KIF21A: variants seen among roughly 807,000 people sequenced by gnomAD.
KIF21A encodes the protein kinesin family member 21A, also known as kinesin-like protein KIF21A.
In KIF21A, 114 loss-of-function variants were observed where a neutral mutation model predicts 202.9. That is an observed-to-expected ratio of 0.56 (90% CI 0.48 to 0.66). The LOEUF is 0.66. KIF21A is among the 30% of genes least tolerant of loss of function. The pLI, the probability that KIF21A is intolerant of heterozygous loss-of-function variation, is 0.00. For missense variants in KIF21A, 1,677 were observed against 1,994.9 expected, an observed-to-expected ratio of 0.84 and a Z score of 3.04; for synonymous variants, 667 against 670.8, an observed-to-expected ratio of 0.99 and a Z score of 0.09.
At chr12:39,346,406 G>A in intron 12 of KIF21A, 60 bp downstream of exon 12, 1 of 1,248,126 alleles carries the variant, frequency 8.0e-7, no homozygotes, top group South Asian at 1.9e-5. Flanking sequence ...ACATTTCCTT[G>A]TGAATGGCAA....
At chr12:39,315,769 C>CA in intron 30 of KIF21A, 163 bp downstream of exon 30, 5 of 718,500 alleles carry the variant, frequency 7.0e-6, no homozygotes, top group Non-Finnish European at 1.3e-5. Flanking sequence ...GGTATGACCA[C>CA]AAAAATGTAT....
At chr12:39,328,103 T>C (rs1402152659) in intron 24 of KIF21A, among the ~76,000 whole-genome samples, 1 of 152,188 alleles carries the variant, frequency 6.6e-6, no homozygotes, top group Non-Finnish European at 1.5e-5. Context: ...CTTGGAAAAC[T>C]GGACTTTGGC....
At chr12:39,422,345 C>T (rs193197410) in intron 1 of KIF21A, among the ~76,000 whole-genome samples, 16 of 152,244 alleles carry the variant, frequency 1.1e-4, no homozygotes, top group Non-Finnish European at 1.6e-4. Flanking sequence ...TTTTCTACAA[C>T]GTCTTTTCAT....
At position 39,319,965 on chromosome 12, in the gene KIF21A, A is replaced by T. The variant is rs1366267088; in HGVS notation, c.3720T>A (p.Pro1240=). The part of the protein sequence containing the change: ...LSEKKIPEPS[P]VTRRKAYEKA... ...TCTCATATGCCTTTCTCCTTGTTAC[A>T]GGAGAAGGCTCTGGAATTTTTTTTT... Residue 1240 remains proline, a synonymous_variant, in exon 28 of 38, where the codon CCT becomes CCA. Transcript: ENST00000361418. The T allele has an allele frequency of 1.9e-6, 3 of 1,609,694 alleles. No individual in the cohort carries two copies. Among genetic ancestry groups the T allele is most frequent in the Admixed American group, 3.3e-5 (2 of 59,744 alleles).
chr12:39,307,527 G>T, intron 34 of KIF21A, 38 bp downstream of exon 34: 1 of 1,589,380 alleles, frequency 6.3e-7, no homozygotes, highest in Non-Finnish European at 8.6e-7. Flanking sequence ...AGTTGTATTT[G>T]CCATAGGCAA....
intron 14 of KIF21A, among the ~76,000 whole-genome samples, 184 bp downstream of exon 14, chr12:39,341,319 AAT>A (rs761486280): frequency 3.0e-4 from 46 of 152,264 alleles, no homozygotes; most frequent in Non-Finnish European, 3.4e-4. Flanking sequence ...GAAATCACAC[AAT>A]GACTAAATCC....
intron 11 of KIF21A, among the ~76,000 whole-genome samples, chr12:39,351,333 A>G (rs1469346949): frequency 1.3e-5 from 2 of 152,102 alleles, no homozygotes; most frequent in Non-Finnish European, 2.9e-5. Flanking sequence ...ACATTACATG[A>G]CATTCTGATG....
intron 1 of KIF21A, among the ~76,000 whole-genome samples, chr12:39,386,357 C>T (rs189075006): frequency 4.5e-4 from 69 of 152,208 alleles, no homozygotes; most frequent in African/African-American, 8.4e-4. Flanking sequence ...AGAAAGATCC[C>T]GGGACACCAA....
At position 39,342,119 on chromosome 12, in the gene KIF21A, G is replaced by T; in HGVS notation, c.1718C>A (p.Ala573Asp). The change falls in exon 13 of 38, where the codon GCT becomes GAT. Residue 573 changes from alanine to aspartate, a missense_variant. By Grantham distance (126) the Ala-to-Asp change is moderately radical. Around this residue, in one of 3 missense-constraint regions of KIF21A, gnomAD observed 966 missense variants for 1,180.9 expected, o/e 0.82. Coordinates refer to ENST00000361418, the MANE Select transcript of KIF21A (RefSeq NM_001173464.2). ...AGTGTCTGTATTATCCTCTTTACCA[G>T]CCACACTAAAAAAAGGAACATAAGG... The part of the protein sequence containing the change: ...EESNREERSV[A>D]GKEDNTDTDQ... 6.2e-7 allele frequency: 1 copy of T among 1,604,686 alleles called. No homozygotes were observed. Among genetic ancestry groups the T allele is most frequent in the Non-Finnish European group, 8.5e-7 (1 of 1,172,092 alleles).
intron 11 of KIF21A, among the ~76,000 whole-genome samples, chr12:39,348,853 C>G (rs1268596955): frequency 6.6e-6 from 1 of 151,700 alleles, no homozygotes; most frequent in Non-Finnish European, 1.5e-5. Context: ...ATTATGCTGC[C>G]TAACATATTT....
chr12:39,374,722 TCTG>T (rs1420925507), intron 1 of KIF21A, among the ~76,000 whole-genome samples: 3 of 152,148 alleles, frequency 2.0e-5, no homozygotes, highest in Admixed American at 2.0e-4. Flanking sequence ...ATCACTTTAC[TCTG>T]TCACTGGAAA....
At chr12:39,295,024 G>C (rs1942160390) in intron 37 of KIF21A, among the ~76,000 whole-genome samples, 1 of 152,124 alleles carries the variant, frequency 6.6e-6, no homozygotes, top group Admixed American at 6.5e-5. Context: ...GCTGGGGCAG[G>C]GTTTCTAGGG....
At chr12:39,403,323 A>T (rs1388721015) in intron 1 of KIF21A, among the ~76,000 whole-genome samples, 3 of 152,218 alleles carry the variant, frequency 2.0e-5, no homozygotes, top group Non-Finnish European at 4.4e-5. Context: ...CTGTCTAAAA[A>T]TGCCAAAATC....
At chr12:39,400,952 G>A (rs1206979592) in intron 1 of KIF21A, among the ~76,000 whole-genome samples, 1 of 152,096 alleles carries the variant, frequency 6.6e-6, no homozygotes, top group Non-Finnish European at 1.5e-5. Flanking sequence ...AGAGACAAGT[G>A]ATTTTTATAT....
chr12:39,315,984 G>A lies in KIF21A; in HGVS notation c.3909-14C>T. 1 of 1,585,544 alleles carries A rather than the reference G, an allele frequency of 6.3e-7. No individual in the cohort carries two copies. The highest frequency in any genetic ancestry group is 8.7e-7 in the Non-Finnish European group (1 of 1,154,294). On this transcript the variant is annotated splice_polypyrimidine_tract_variant and intron_variant, in intron 29 of 37. Transcript: ENST00000361418. ...CTTTCATCAGACCTATAGTGAAAGA[G>A]TTAGAATTATGAGAGAAAGAATACA...
At chr12:39,386,546 G>A (rs1200968312) in intron 1 of KIF21A, among the ~76,000 whole-genome samples, 2 of 152,098 alleles carry the variant, frequency 1.3e-5, no homozygotes, top group Non-Finnish European at 2.9e-5. Context: ...TGTAATATGT[G>A]ACACTGACTT....
chr12:39,367,142 C>G lies in KIF21A; in HGVS notation c.623G>C (p.Gly208Ala). The G allele has an allele frequency of 3.1e-6, 5 of 1,613,908 alleles. No homozygotes were observed. Among genetic ancestry groups the G allele is most frequent in the Non-Finnish European group, 4.2e-6 (5 of 1,179,898 alleles). Residue 208 changes from glycine (G) to alanine (A), a missense_variant, in exon 5 of 38, where the codon GGT becomes GCT. Coordinates refer to ENST00000361418, the MANE Select transcript of KIF21A (RefSeq NM_001173464.2). ...ESEMMQCLKL[G>A]ALSRTTASTQ... ...ACTGGCAGTTGTCCGGGATAAAGCA[C>G]CCAACTTCAAACACTGCATCATCTG...
intron 1 of KIF21A, among the ~76,000 whole-genome samples, chr12:39,439,254 T>A (rs1005744011): frequency 6.6e-6 from 1 of 152,222 alleles, no homozygotes; most frequent in Non-Finnish European, 1.5e-5. Context: ...TTATTCTAAA[T>A]GTATTCCTCA....
chr12:39,377,456 A>G (rs540492909), intron 1 of KIF21A, among the ~76,000 whole-genome samples: 15 of 152,260 alleles, frequency 9.9e-5, no homozygotes, highest in African/African-American at 3.6e-4. Context: ...CAGTTAGTAG[A>G]TACCACATTA....
Sources: allele counts gnomAD v4.1 joint callset (sites outside exome capture counted in the v4.1 genomes callset), GRCh38; gene constraint gnomAD v4.1.1; regional missense constraint gnomAD v4.1.1; transcripts MANE v1.5; gene names NCBI Gene and HGNC (gene_info 2026-07-23, HGNC 2026-07-21).